Variants in CLVS1 observed in about 807,000 individuals in gnomAD.
CLVS1 encodes clavesin 1.
In CLVS1, 10 loss-of-function variants were observed where a neutral mutation model predicts 33.1. The ratio of observed to expected loss-of-function variants is 0.30; its 90% CI spans 0.19 to 0.51. The LOEUF (loss-of-function observed/expected upper bound fraction) is 0.51, where lower values mean the gene tolerates loss of function less well. Ranked by LOEUF, CLVS1 falls within the 20% of genes least tolerant of loss-of-function variation. The pLI is 0.97. For missense variants in CLVS1, 343 were observed against 433.4 expected (o/e 0.79, Z 1.85); for synonymous variants, 163 against 166.1 (o/e 0.98, Z 0.14).
At chr8:61,395,515 G>C (rs964102915) in intron 3 of CLVS1, among the ~76,000 whole-genome samples, 14 of 152,130 alleles carry the variant, frequency 9.2e-5, no homozygotes, top group African/African-American at 2.2e-4. Context: ...ATGTTAATTA[G>C]CTTGATTGAA....
At chr8:61,002,518 G>C in the CLVS1 span, among the ~76,000 whole-genome samples, 1 of 151,770 alleles carries the variant, frequency 6.6e-6, no homozygotes, top group African/African-American at 2.4e-5. Context: ...TTTTTTAGTA[G>C]AGACGGGGTT....
chr8:61,257,849 A>AT (rs1194828030), intron 2 of CLVS1, among the ~76,000 whole-genome samples: 1 of 152,190 alleles, frequency 6.6e-6, no homozygotes, highest in Non-Finnish European at 1.5e-5. Flanking sequence ...ATGACCATAT[A>AT]TATTTTATTT....
chr8:61,228,857 G>GTGTGCA (rs1808379869), intron 2 of CLVS1, among the ~76,000 whole-genome samples: 1 of 152,186 alleles, frequency 6.6e-6, no homozygotes, highest in African/African-American at 2.4e-5. Flanking sequence ...AATAGCATAA[G>GTGTGCA]TGTGCAGACA....
chr8:61,493,369 T>C (rs1804161957), intron 5 of CLVS1, among the ~76,000 whole-genome samples: 1 of 152,208 alleles, frequency 6.6e-6, no homozygotes, highest in African/African-American at 2.4e-5. Flanking sequence ...AATTTTCTTA[T>C]CTGCAAATAG....
chr8:61,485,941 C>A (rs1250843010), intron 5 of CLVS1, among the ~76,000 whole-genome samples: 1 of 151,518 alleles, frequency 6.6e-6, no homozygotes, highest in Non-Finnish European at 1.5e-5. Context: ...ACACTGGGGC[C>A]TTTCGTGGGG....
chr8:61,209,684 G>C (rs1807932049), intron 2 of CLVS1, among the ~76,000 whole-genome samples: 1 of 151,326 alleles, frequency 6.6e-6, no homozygotes, highest in African/African-American at 2.4e-5. Context: ...GGAAAGAGAA[G>C]ATTTAAGGAA....
At chr8:61,107,994 A>C (rs530213022) in intron 1 of CLVS1, among the ~76,000 whole-genome samples, 2 of 152,250 alleles carry the variant, frequency 1.3e-5, no homozygotes, top group South Asian at 4.1e-4. Flanking sequence ...ATAGCCAGGC[A>C]CAGTGGCTCA....
At chr8:61,096,947 A>G (rs1805362086) in intron 1 of CLVS1, among the ~76,000 whole-genome samples, 1 of 152,156 alleles carries the variant, frequency 6.6e-6, no homozygotes, top group South Asian at 2.1e-4. Flanking sequence ...CTGTAGCAGA[A>G]ATGCATGGAT....
intron 2 of CLVS1, among the ~76,000 whole-genome samples, chr8:61,237,647 A>C (rs747939746): frequency 1.4e-4 from 22 of 152,116 alleles, no homozygotes; most frequent in Non-Finnish European, 1.5e-4. Context: ...GGACCTTGGG[A>C]TAGGTCATGG....
chr8:61,479,642 G>A (rs1818106560), intron 5 of CLVS1, among the ~76,000 whole-genome samples: 1 of 152,138 alleles, frequency 6.6e-6, no homozygotes, highest in Non-Finnish European at 1.5e-5. Context: ...GCATTCCTTT[G>A]GAGGAGGAGA....
At chr8:61,190,375 T>C (rs1044513823) in intron 2 of CLVS1, among the ~76,000 whole-genome samples, 5 of 152,126 alleles carry the variant, frequency 3.3e-5, no homozygotes, top group African/African-American at 1.2e-4. Context: ...TTTAAAGCAG[T>C]GTGTAGAGGG....
chr8:61,033,161 A>AAAAG, the CLVS1 span, among the ~76,000 whole-genome samples: 12,095 of 91,832 alleles, frequency 0.13, 2,410 homozygotes, highest in Admixed American at 0.18. Flanking sequence ...GAAAGAAAGA[A>AAAAG]AAAGAAAGAA....
At chr8:61,386,682 A>G (rs1814097269) in intron 3 of CLVS1, among the ~76,000 whole-genome samples, 1 of 152,202 alleles carries the variant, frequency 6.6e-6, no homozygotes, top group Non-Finnish European at 1.5e-5. Flanking sequence ...GAAATAAGCA[A>G]AATAACCATA....
At chr8:61,300,610 A>C (rs914153002) in intron 2 of CLVS1, 1 of 203,724 alleles carries the variant, frequency 4.9e-6, no homozygotes, top group African/African-American at 2.3e-5. Flanking sequence ...TAAGAAAACA[A>C]AAATGGAGTT....
At chr8:60,975,094 C>A in the CLVS1 span, among the ~76,000 whole-genome samples, 2 of 151,960 alleles carry the variant, frequency 1.3e-5, no homozygotes, top group African/African-American at 4.8e-5. Context: ...CTGTGAGTGC[C>A]CTTGGAATGG....
At chr8:61,075,860 C>T (rs1352790882) in intron 1 of CLVS1, among the ~76,000 whole-genome samples, 1 of 152,208 alleles carries the variant, frequency 6.6e-6, no homozygotes, top group East Asian at 1.9e-4. Flanking sequence ...CAGCCTCCTT[C>T]CTTCTTCCCT....
chr8:61,435,593 C>A (rs1816301070), intron 3 of CLVS1, among the ~76,000 whole-genome samples: 1 of 146,382 alleles, frequency 6.8e-6, no homozygotes. Context: ...AAAGGGGTAG[C>A]ACATTAGTTA....
chr8:61,224,437 G>C (rs1016378107), intron 2 of CLVS1, among the ~76,000 whole-genome samples: 14 of 152,102 alleles, frequency 9.2e-5, no homozygotes, highest in South Asian at 2.1e-4. Context: ...CTTCTGTAGG[G>C]CTGCTGCAGT....
Position 61,404,789 on chromosome 8 carries a change from A to G in CLVS1, c.630+28010A>G, listed in dbSNP as rs112584035. Among the ~76,000 whole-genome samples the G allele has an allele frequency of 7.1e-3, 1,076 of 152,322 alleles. 4 individuals carry two copies. Among genetic ancestry groups the G allele is most frequent in the African/African-American group, 0.017 (712 of 41,564 alleles). On this transcript the variant is annotated intron_variant, in intron 3 of 5. Coordinates refer to ENST00000325897, the MANE Select transcript of CLVS1 (RefSeq NM_173519.3). ...ACTGCACCTTAGGTATAAGAACTTC[A>G]GGAATTTGGTACTCATCCCTTCAGA...
Sources: gnomAD v4.1 joint callset for allele counts (sites outside exome capture counted in the v4.1 genomes callset) on GRCh38, gnomAD v4.1.1 for gene constraint, MANE v1.5 for transcripts, NCBI Gene and HGNC (gene_info 2026-07-23, HGNC 2026-07-21) for gene names.